Variants in DNAAF5 observed in about 807,000 individuals in gnomAD.
DNAAF5 encodes the protein dynein axonemal assembly factor 5.
In DNAAF5, 64 loss-of-function variants were observed where a neutral mutation model predicts 75.8. The ratio of observed to expected loss-of-function variants is 0.84; its 90% CI spans 0.69 to 1.04. The LOEUF is 1.04. Among genes scored for constraint, DNAAF5 ranks in the 50% least tolerant of loss-of-function variants. DNAAF5 has a pLI of 0.00. For synonymous variants in DNAAF5, 657 were observed against 557.2 expected (o/e 1.18, Z -2.52); for missense variants, 1,269 against 1,178.5 (o/e 1.08, Z -1.12).
At chr7:768,365 T>C (rs4720928) in intron 8 of DNAAF5, 111,223 of 143,370 alleles carry the variant, frequency 0.78, 42,595 homozygotes, top group South Asian at 0.85. Context: ...CGGAAGTGTC[T>C]GTGCTGTGAG....
In DNAAF5 at chr7:779,780, G is replaced by A. The variant is rs538945079; in HGVS notation, c.2240-173G>A. On this transcript the variant is annotated intron_variant, in intron 11 of 12. Coordinates refer to ENST00000297440, the MANE Select transcript of DNAAF5 (RefSeq NM_017802.4). Reference sequence around the variant, plus strand: ...GGCTGGGGTTCAGGGGTCCCAGGTCGCCAGGAGCACCTTGCATGTGGCTCG... The same window carrying A: ...GGCTGGGGTTCAGGGGTCCCAGGTCACCAGGAGCACCTTGCATGTGGCTCG... The A allele has an allele frequency of 8.9e-4, 540 of 603,392 alleles. 1 individual carries two copies. The highest frequency in any genetic ancestry group is 1.8e-3 in the Middle Eastern group (4 of 2,206). The allele number at this position is 603,392 out of a possible 1,614,324, so 37.4% of individuals were successfully genotyped here. A position where few individuals can be genotyped will look rare whatever the true frequency, so the allele number is the denominator to read the frequency against.
At chr7:734,812 T>C (rs1781683986) in intron 2 of DNAAF5, among the ~76,000 whole-genome samples, 1 of 152,248 alleles carries the variant, frequency 6.6e-6, no homozygotes, top group Non-Finnish European at 1.5e-5. Context: ...CATATGTGTC[T>C]AGGAATTTAT....
chr7:764,225 G>C (rs376011160), intron 8 of DNAAF5, among the ~76,000 whole-genome samples: 1 of 152,250 alleles, frequency 6.6e-6, no homozygotes, highest in Admixed American at 6.5e-5. Context: ...CCTTCAAAGT[G>C]TGCTTTTCCG....
rs773482956 is a variant in DNAAF5 at position 770,457 on chromosome 7, G to A, written c.1784-14G>A. On this transcript the variant is annotated splice_polypyrimidine_tract_variant and intron_variant, in intron 8 of 12. Transcript: ENST00000297440. ...CTGAGGGCCGTGCACAGGAGCCTCTGTTGTGTCTTACAGGCCCTGCCCTGG... is the reference window on the plus strand; with the variant it reads ...CTGAGGGCCGTGCACAGGAGCCTCTATTGTGTCTTACAGGCCCTGCCCTGG... The A allele has an allele frequency of 2.5e-6, 4 of 1,611,106 alleles. No homozygotes were observed. The East Asian group carries it at 8.9e-5, about 36-fold the overall frequency.
At chr7:782,076 G>A (rs927367222) in intron 12 of DNAAF5, among the ~76,000 whole-genome samples, 5 of 152,180 alleles carry the variant, frequency 3.3e-5, no homozygotes, top group African/African-American at 1.2e-4. Context: ...CCGGTTTCCC[G>A]GCGTGGCTAC....
Position 775,158 on chromosome 7 carries a change from T to C in DNAAF5, c.2235T>C (p.Tyr745=). Residue 745 remains tyrosine (Y), a synonymous_variant, in exon 11 of 13, where the codon TAT becomes TAC. Transcript: ENST00000297440. ...ATCCAGAGAAACTCATCAGGATTTA[T>C]CCTGGTAGGACATTTCTGTTGTTCA... ...MTDPEKLIRI[Y]PELLKRLDDV... 6.2e-7 allele frequency: 1 copy of C among 1,614,074 alleles called. No homozygotes were observed. The highest frequency in any genetic ancestry group is 2.2e-5 in the East Asian group (1 of 44,886).
At chr7:773,566 G>A (rs565884425) in intron 9 of DNAAF5, among the ~76,000 whole-genome samples, 9 of 152,224 alleles carry the variant, frequency 5.9e-5, no homozygotes, top group East Asian at 3.9e-4. Flanking sequence ...CTCCCATCCC[G>A]CCTCTGTGAA....
chr7:768,486 G>A (rs774312557), intron 8 of DNAAF5: 10 of 150,458 alleles, frequency 6.6e-5, no homozygotes, highest in Non-Finnish European at 1.5e-4. Flanking sequence ...AAGTGTCCGT[G>A]CAGCGAGCAG....
intron 10 of DNAAF5, 31 bp downstream of exon 10, chr7:774,229 C>G (rs1172174102): frequency 2.5e-6 from 4 of 1,577,506 alleles, no homozygotes; most frequent in South Asian, 1.1e-5. Flanking sequence ...TCGGTGGACA[C>G]CGGCCGGGGA....
intron 8 of DNAAF5, chr7:768,344 CGT>C (rs1329214741): frequency 6.9e-6 from 1 of 145,918 alleles, no homozygotes; most frequent in Non-Finnish European, 1.5e-5. Flanking sequence ...AGGGCAGACA[CGT>C]GATCCTGGCG....
In DNAAF5 at chr7:774,973, G is replaced by A. The variant is rs113105328; in HGVS notation, c.2083-33G>A. ...ACCCCCACCCCACCCCAGGACAGAT[G>A]TGAGTCACGTCGTATGTGTTTGCTG... On this transcript the variant is annotated intron_variant, in intron 10 of 12. Transcript: ENST00000297440. 2,857 of 1,611,982 alleles carry A rather than the reference G, an allele frequency of 1.8e-3. 4 individuals carry two copies. Among genetic ancestry groups the A allele is most frequent in the Non-Finnish European group, 2.1e-3 (2,509 of 1,178,558 alleles).
Position 763,917 on chromosome 7 carries a change from G to T in DNAAF5, c.1726G>T (p.Asp576Tyr). 1 of 1,611,180 alleles carries T rather than the reference G, an allele frequency of 6.2e-7. No individual in the cohort carries two copies. The change falls in exon 8 of 13, where the codon GAC (aspartate) becomes TAC (tyrosine). Residue 576 changes from aspartate to tyrosine, a missense_variant. By Grantham distance (160) the Asp-to-Tyr change is radical. Transcript: ENST00000297440. ...LLERVTASHL[D>Y]WTAHSPELLQ... ...GGAGCGGGTGACCGCGTCGCACCTTGACTGGACCGCACACTCGCCGGAGCT... is the reference window on the plus strand; with the variant it reads ...GGAGCGGGTGACCGCGTCGCACCTTTACTGGACCGCACACTCGCCGGAGCT...
chr7:752,816 G>A (rs1220175775), intron 4 of DNAAF5, among the ~76,000 whole-genome samples: 3 of 152,370 alleles, frequency 2.0e-5, no homozygotes, highest in East Asian at 3.9e-4. Context: ...TGGAGATGAT[G>A]TATGTAAGGA....
chr7:761,311 G>A (rs967126978), intron 6 of DNAAF5, among the ~76,000 whole-genome samples: 4 of 152,286 alleles, frequency 2.6e-5, no homozygotes, highest in African/African-American at 9.6e-5. Context: ...CCGTAGACTA[G>A]GAGCCCCGGG....
At chr7:783,806 T>C (rs969419346) in intron 12 of DNAAF5, among the ~76,000 whole-genome samples, 1 of 151,918 alleles carries the variant, frequency 6.6e-6, no homozygotes, top group Non-Finnish European at 1.5e-5. Flanking sequence ...ACCCGAGTTC[T>C]GAGCTTCTCC....
intron 11 of DNAAF5, among the ~76,000 whole-genome samples, chr7:777,754 T>C (rs113896954): frequency 0.013 from 2,045 of 152,316 alleles, 48 homozygotes; most frequent in African/African-American, 0.043. Flanking sequence ...AACTCTAGAC[T>C]GAATGTGGCT....
chr7:747,048 G>A (rs1782139297), intron 4 of DNAAF5, among the ~76,000 whole-genome samples: 2 of 152,244 alleles, frequency 1.3e-5, no homozygotes, highest in South Asian at 4.1e-4. Flanking sequence ...GCATATTCGG[G>A]TCCTTTCTAG....
At chr7:758,142 C>A (rs1782545448) in intron 6 of DNAAF5, among the ~76,000 whole-genome samples, 1 of 152,260 alleles carries the variant, frequency 6.6e-6, no homozygotes. Context: ...TTTAACACAT[C>A]ATCGAATGTG....
rs551808839 is a variant in DNAAF5, at chr7:767,359, C to T, written c.1784-3112C>T. Among the ~76,000 whole-genome samples the T allele has an allele frequency of 5.3e-5, 8 of 151,940 alleles. No homozygotes were observed. In the South Asian group the frequency reaches 1.2e-3, roughly 24 times the overall value. The stretch of plus-strand genomic sequence containing the variant: ...AAGGTGCTTTTGGAAAGCCGTGGGA[C>T]GCTGCGCATCTGGAATTGCCAATGT... On this transcript the variant is annotated intron_variant, in intron 8 of 12. Transcript: ENST00000297440.
Sources: gnomAD v4.1 joint callset for allele counts (sites outside exome capture counted in the v4.1 genomes callset) on GRCh38, gnomAD v4.1.1 for gene constraint, MANE v1.5 for transcripts, NCBI Gene and HGNC (gene_info 2026-07-23, HGNC 2026-07-21) for gene names.